The following DNPEP variants were observed in gnomAD, a reference collection of about 807,000 sequenced individuals.
DNPEP encodes the protein aspartyl aminopeptidase.
DNPEP carries 46 observed loss-of-function variants against 59.1 expected under a neutral mutation model. The ratio of observed to expected loss-of-function variants is 0.78; its 90% CI spans 0.61 to 0.99. The LOEUF is 0.99. DNPEP is among the 50% of genes least tolerant of loss of function. The probability of loss-of-function intolerance (pLI) is 0.00; values close to 1 mark genes in which losing one functional copy is unlikely to be tolerated. For missense variants in DNPEP, 617 were observed against 649.9 expected (o/e 0.95, Z 0.55); for synonymous variants, 229 against 242.2 (o/e 0.95, Z 0.50).
At chr2:219,388,640 A>G (rs1477431613), upstream of DNPEP, 3 of 959,208 alleles carry the variant, frequency 3.1e-6, no homozygotes, top group Non-Finnish European at 3.7e-6. Context: ...ACAGCCGCGG[A>G]CGGCCCGCCT....
At chr2:219,397,710 T>C (rs764180385) in intron 1 of DNPEP, among the ~76,000 whole-genome samples, 8 of 152,040 alleles carry the variant, frequency 5.3e-5, no homozygotes, top group Non-Finnish European at 8.8e-5. Flanking sequence ...AGTCATGAGA[T>C]TGGAGATTAG....
chr2:219,394,624 T>C (rs1954067085), intron 1 of DNPEP, among the ~76,000 whole-genome samples: 5 of 152,052 alleles, frequency 3.3e-5, no homozygotes, highest in African/African-American at 9.7e-5. Context: ...TGCTTAGAAA[T>C]CTCTCTACCC....
Position 219,374,328 on chromosome 2 carries a change from C to G in DNPEP, c.1422G>C (p.Leu474=), listed in dbSNP as rs201729253. The G allele has an allele frequency of 6.2e-7, 1 of 1,613,928 alleles. No individual in the cohort carries two copies. The highest frequency in any genetic ancestry group is 1.3e-5 in the African/African-American group (1 of 74,884). Residue 474 remains leucine (L), a synonymous_variant, in exon 15 of 15, where the codon CTG becomes CTC. Transcript: ENST00000273075. ...AGAGATTATGGCTTAGAGAAGGGAA[C>G]AGCTCAAAGAAGCCCTATAATGGGA... ...TLTLFKGFFE[L]FPSLSHNLLV...
At chr2:219,381,837 G>C in intron 11 of DNPEP, 142 bp downstream of exon 11, 1 of 1,072,070 alleles carries the variant, frequency 9.3e-7, no homozygotes. Flanking sequence ...TCTCGCAGTA[G>C]TGAAAAGGAA....
chr2:219,380,409 A>T (rs572299858), intron 13 of DNPEP, among the ~76,000 whole-genome samples: 1 of 151,672 alleles, frequency 6.6e-6, no homozygotes, highest in Admixed American at 6.6e-5. Context: ...TTTTGGTAGG[A>T]TGGGGTTTCA....
At position 219,386,396 on chromosome 2, in the gene DNPEP, G is replaced by C; in HGVS notation, c.349C>G (p.Arg117Gly). 2.5e-6 allele frequency: 4 copies of C among 1,614,196 alleles called. No individual in the cohort carries two copies. The highest frequency in any genetic ancestry group is 3.4e-6 in the Non-Finnish European group (4 of 1,180,022). ...TGCTGGAAGCCCACCTGGCTGCGGC[G>C]AGACCGACGTTTCACCTGAGTGTAA... is the stretch of plus-strand genomic sequence containing the variant. ...SPCLRVKRRS[R>G]RSQVGFQQVG... The change falls in exon 5 of 15, where the codon CGC becomes GGC. Residue 117 changes from arginine (R) to glycine (G), a missense_variant. Arg to Gly is a moderately radical substitution (Grantham distance 125, BLOSUM62 -2). Transcript: ENST00000273075.
At chr2:219,377,055 C>T (rs1953401252) in intron 13 of DNPEP, among the ~76,000 whole-genome samples, 1 of 152,024 alleles carries the variant, frequency 6.6e-6, no homozygotes, top group Admixed American at 6.6e-5. Flanking sequence ...GGGCGGACCA[C>T]TTGAGGTCAG....
rs755499442 is a variant in DNPEP at position 219,385,499 on chromosome 2, C to A, written c.699G>T (p.Leu233=). Residue 233 remains leucine (L), a synonymous_variant, in exon 8 of 15, where the codon CTG becomes CTT. Transcript: ENST00000273075. ...GGCTCAGCCCCAGATGGGCACAGAG[C>A]AGGGACATGAGGACCGAATGGTGCC... ...DERHHSVLMS[L]LCAHLGLSPK... is the part of the protein sequence containing the mutation. 1 of 1,606,456 alleles carries A rather than the reference C, an allele frequency of 6.2e-7. No homozygotes were observed. Among genetic ancestry groups the A allele is most frequent in the Non-Finnish European group, 8.5e-7 (1 of 1,173,782 alleles).
At chr2:219,382,278 G>A (rs542339227) in intron 10 of DNPEP, 139 bp from the exon 11 acceptor site, 14 of 938,054 alleles carry the variant, frequency 1.5e-5, no homozygotes, top group Non-Finnish European at 2.2e-5. Context: ...CCTAACCTGG[G>A]GTCGTCACTG....
At position 219,386,748 on chromosome 2, in the gene DNPEP, T is replaced by G; in HGVS notation, c.250A>C (p.Ile84Leu). ...TACTGGCCCCCTACAGCAAAAGCTATGATGGTGGAGGAGTTCCTGGTCATG... is the reference window on the plus strand; with the variant it reads ...TACTGGCCCCCTACAGCAAAAGCTAGGATGGTGGAGGAGTTCCTGGTCATG... ...YFMTRNSSTI[I>L]AFAVGGQYVP... The change falls in exon 4 of 15, where the codon ATA (isoleucine) becomes CTA (leucine). Residue 84 changes from isoleucine (I) to leucine (L), a missense_variant. Transcript: ENST00000273075. 2 of 1,613,138 alleles carry G rather than the reference T, an allele frequency of 1.2e-6. No homozygotes were observed. Among genetic ancestry groups the G allele is most frequent in the Non-Finnish European group, 1.7e-6 (2 of 1,179,678 alleles).
In DNPEP at chr2:219,381,397, A is replaced by G. The variant is rs754475601; in HGVS notation, c.1177T>C (p.Ser393Pro). The G allele has an allele frequency of 6.2e-7, 1 of 1,614,194 alleles. No individual in the cohort carries two copies. Among genetic ancestry groups the G allele is most frequent in the Non-Finnish European group, 8.5e-7 (1 of 1,180,026 alleles). ...IKVNSKQRYA[S>P]NAVSEALIRE... ...ATCAGGGCCTCTGACACCGCGTTTG[A>G]AGCATAGCGTTGCTTGCTGTTCACC... The change falls in exon 13 of 15, where the codon TCA becomes CCA. Residue 393 changes from serine (S) to proline (P), a missense_variant. By Grantham distance (74) the Ser-to-Pro change is moderately conservative. Transcript: ENST00000273075.
chr2:219,383,130 C>T lies in DNPEP; in HGVS notation c.936+1G>A, dbSNP rs1372878547. 6.2e-7 allele frequency: 1 copy of T among 1,613,918 alleles called. No homozygotes were observed. The highest frequency in any genetic ancestry group is 1.3e-5 in the African/African-American group (1 of 74,940). ...GACCCTCCCCAGAACCCTCCACGTA[C>T]CTCTTCGTTGTCATAGAGTGTGACC... On this transcript the variant is annotated splice_donor_variant, in intron 10 of 14. Coordinates refer to ENST00000273075, the MANE Select transcript of DNPEP (RefSeq NM_012100.4). LOFTEE classifies it high-confidence loss of function.
Position 219,394,629 on chromosome 2 carries a change from C to T in DNPEP, c.-158+5311G>A, listed in dbSNP as rs151007672. 2.9e-3 allele frequency among the ~76,000 whole-genome samples: 442 copies of T among 152,272 alleles called. 5 individuals are homozygous for T. Among genetic ancestry groups the T allele is most frequent in the African/African-American group, 0.01 (416 of 41,552 alleles). On this transcript the variant is annotated intron_variant, in intron 1 of 6. Coordinates refer to the DNPEP transcript ENST00000434339. Reference sequence around the variant, plus strand: ...CAGGGCTCAGTGCTTAGAAATCTCTCTACCCTCACTCCCTTGCTAATGTCC... The same window carrying T: ...CAGGGCTCAGTGCTTAGAAATCTCTTTACCCTCACTCCCTTGCTAATGTCC...
In DNPEP at chr2:219,386,676, G is replaced by C. The variant is rs760202991; in HGVS notation, c.322C>G (p.Pro108Ala). Residue 108 changes from proline to alanine, a missense_variant, in exon 4 of 15, where the codon CCC becomes GCC. By Grantham distance (27) the Pro-to-Ala change is conservative. Transcript: ENST00000273075. Reference protein sequence around the residue: ...FSLIGAHTDSPCLRVKRRSRR... With the variant: ...FSLIGAHTDSACLRVKRRSRR... ...TCCGAGTTCCTTACCCGGAGGCAGG[G>C]GCTGTCCGTGTGGGCCCCGATGAGG... 6.2e-7 allele frequency: 1 copy of C among 1,611,764 alleles called. No individual in the cohort carries two copies.
chr2:219,380,668 A>C (rs1032812704), intron 13 of DNPEP, among the ~76,000 whole-genome samples: 6 of 152,150 alleles, frequency 3.9e-5, no homozygotes, highest in African/African-American at 1.4e-4. Context: ...CTGTCCGTCT[A>C]GGTTTGTGTA....
At chr2:219,395,514 A>C (rs1192781903) in intron 1 of DNPEP, among the ~76,000 whole-genome samples, 1 of 152,190 alleles carries the variant, frequency 6.6e-6, no homozygotes, top group African/African-American at 2.4e-5. Flanking sequence ...CTTAGCTCAG[A>C]ACTCCAAACA....
chr2:219,372,569 G>A lies in DNPEP; in HGVS notation c.*1723C>T, dbSNP rs1207362835. ...TTTTTAGTAGAGAGGTTTTCACCAT[G>A]TTGGCCAGGCTGGTTTTGAACTCCT... On this transcript the variant is annotated 3_prime_UTR_variant, in exon 15 of 15. Transcript: ENST00000273075. 6.6e-6 allele frequency among the ~76,000 whole-genome samples: 1 copy of A among 151,980 alleles called. No homozygotes were observed. The highest frequency in any genetic ancestry group is 1.5e-5 in the Non-Finnish European group (1 of 68,000).
In DNPEP at chr2:219,394,699, A is replaced by G. The variant is rs578099806; in HGVS notation, c.-158+5241T>C. Among the ~76,000 whole-genome samples, 20 of 152,348 alleles carry G rather than the reference A, an allele frequency of 1.3e-4. No individual in the cohort carries two copies. In the South Asian group the frequency reaches 4.1e-3, roughly 32 times the overall value. On this transcript the variant is annotated intron_variant, in intron 1 of 6. Transcript: ENST00000434339. ...GTATCCATACCCTGACAATTGTCAA[A>G]TTTATGTATCCCTAGCCCAGATATC...
At chr2:219,384,774 G>A (rs1356061676) in intron 8 of DNPEP, 62 of 251,458 alleles carry the variant, frequency 2.5e-4, no homozygotes, top group Non-Finnish European at 8.7e-5. Context: ...TCACCATGGT[G>A]GTCAGGCTAG....
Sources: allele counts gnomAD v4.1 joint callset (sites outside exome capture counted in the v4.1 genomes callset), GRCh38; gene constraint gnomAD v4.1.1; transcripts MANE v1.5; gene names NCBI Gene and HGNC (gene_info 2026-07-23, HGNC 2026-07-21).